Variants in ANKS6 observed in about 807,000 individuals in gnomAD.
ANKS6 encodes the protein ankyrin repeat and SAM domain-containing protein 6.
A neutral mutation model predicts 77.9 loss-of-function variants in ANKS6; 47 were observed. The ratio of observed to expected loss-of-function variants is 0.60; its 90% confidence interval spans 0.48 to 0.77. The LOEUF (loss-of-function observed/expected upper bound fraction) is 0.77, where lower values mean the gene tolerates loss of function less well. ANKS6 is among the 30% of genes least tolerant of loss of function. The probability of loss-of-function intolerance (pLI) is 0.00; values close to 1 mark genes in which losing one functional copy is unlikely to be tolerated. For missense variants in ANKS6, 1,150 were observed against 1,159.1 expected (o/e 0.99, Z 0.11); for synonymous variants, 488 against 501.7 (o/e 0.97, Z 0.37).
chr9:98,752,325 T>C (rs1272583056), intron 12 of ANKS6, among the ~76,000 whole-genome samples: 1 of 152,198 alleles, frequency 6.6e-6, no homozygotes, highest in East Asian at 1.9e-4. Context: ...AGAGCAGGTG[T>C]AAAGGTTGTG....
intron 12 of ANKS6, among the ~76,000 whole-genome samples, chr9:98,752,356 A>G (rs1176019466): frequency 6.6e-6 from 1 of 152,220 alleles, no homozygotes; most frequent in Admixed American, 6.5e-5. Flanking sequence ...TGCAGCTTAA[A>G]GAAGTGATTA....
chr9:98,796,302 C>T lies in ANKS6; in HGVS notation c.190G>A (p.Ala64Thr). 1.6e-6 allele frequency: 2 copies of T among 1,262,544 alleles called. No individual in the cohort carries two copies. Among genetic ancestry groups the T allele is most frequent in the Admixed American group, 3.7e-5 (1 of 26,750 alleles). 78.2% of individuals were successfully genotyped at this position (1,262,544 alleles called of 1,614,324 possible). A position where few individuals can be genotyped will look rare whatever the true frequency, so the allele number is the denominator to read the frequency against. The change falls in exon 1 of 15, where the codon GCA (alanine) becomes ACA (threonine). Residue 64 changes from alanine (A) to threonine (T), a missense_variant. By Grantham distance (58) the Ala-to-Thr change is moderately conservative. Transcript: ENST00000353234. ...VAGPGAAAAG[A>T]VGAPVPVDCS... Reference sequence around the variant, plus strand: ...TCCACGGGCACCGGAGCCCCGACTGCCCCCGCCGCTGCGGCCCCGGGCCCG... The same window carrying T: ...TCCACGGGCACCGGAGCCCCGACTGTCCCCGCCGCTGCGGCCCCGGGCCCG...
chr9:98,784,640 G>A (rs939561088), intron 3 of ANKS6, among the ~76,000 whole-genome samples, 192 bp downstream of exon 3: 17 of 152,166 alleles, frequency 1.1e-4, no homozygotes, highest in Admixed American at 7.9e-4. Flanking sequence ...GCTGGAGGCC[G>A]TCTGGAGTCT....
chr9:98,758,949 C>G lies in ANKS6; in HGVS notation c.2143-2346G>C, dbSNP rs570009177. 6.6e-5 allele frequency among the ~76,000 whole-genome samples: 10 copies of G among 152,298 alleles called. No individual in the cohort carries two copies. The South Asian group carries it at 2.1e-3, about 32-fold the overall frequency. On this transcript the variant is annotated intron_variant, in intron 11 of 14. Coordinates refer to ENST00000353234, the MANE Select transcript of ANKS6 (RefSeq NM_173551.5). ...TTTAGCCTAATATCCACTCAACATA[C>G]GATTTTCTCCTCCACCTCCTACAAT...
intron 11 of ANKS6, among the ~76,000 whole-genome samples, chr9:98,764,660 C>T (rs1833178140): frequency 1.3e-5 from 2 of 152,208 alleles, no homozygotes; most frequent in Admixed American, 1.3e-4. Flanking sequence ...ACTGAGGTGC[C>T]TGTCAAAGGT....
chr9:98,749,097 G>A (rs1406143371), intron 13 of ANKS6, among the ~76,000 whole-genome samples: 1 of 152,168 alleles, frequency 6.6e-6, no homozygotes, highest in East Asian at 1.9e-4. Flanking sequence ...ACTGGGTTGT[G>A]GGTCCATATA....
Position 98,796,291 on chromosome 9 carries a change from A to T in ANKS6, c.201T>A (p.Ala67=). The T allele has an allele frequency of 7.8e-7, 1 of 1,287,600 alleles. No individual in the cohort carries two copies. 79.8% of individuals were successfully genotyped at this position (1,287,600 alleles called of 1,614,324 possible). Reference sequence around the variant, plus strand: ...CGTCCGAGCAATCCACGGGCACCGGAGCCCCGACTGCCCCCGCCGCTGCGG... The same window carrying T: ...CGTCCGAGCAATCCACGGGCACCGGTGCCCCGACTGCCCCCGCCGCTGCGG... ...PGAAAAGAVG[A]PVPVDCSDEA... The change falls in exon 1 of 15, where the codon GCT becomes GCA. Residue 67 remains alanine (A), a synonymous_variant. Coordinates refer to ENST00000353234, the MANE Select transcript of ANKS6 (RefSeq NM_173551.5).
chr9:98,783,991 C>A lies in ANKS6; in HGVS notation c.1074G>T (p.Val358=). The A allele has an allele frequency of 6.2e-7, 1 of 1,606,852 alleles. No individual in the cohort carries two copies. The change falls in exon 4 of 15, where the codon GTG becomes GTT. Residue 358 remains valine (V), a synonymous_variant. Coordinates refer to ENST00000353234, the MANE Select transcript of ANKS6 (RefSeq NM_173551.5). ...CCTGCATGAGGGCCGTCCAGCCATG[C>A]ACGCTGTCCTGCTTGTCAACATCCG... ...RHADVDKQDS[V]HGWTALMQAT...
At chr9:98,768,306 A>C (rs571107071) in intron 10 of ANKS6, 56 bp from the exon 11 acceptor site, 3 of 1,584,174 alleles carry the variant, frequency 1.9e-6, no homozygotes, top group South Asian at 2.2e-5. Context: ...ACTCCAACAC[A>C]AGGGTGGTGG....
chr9:98,788,710 T>C (rs1305946185), intron 2 of ANKS6, among the ~76,000 whole-genome samples: 1 of 152,008 alleles, frequency 6.6e-6, no homozygotes, highest in African/African-American at 2.4e-5. Context: ...CTCAGAAGAG[T>C]CATGTGTTAA....
chr9:98,733,978 G>A lies in ANKS6; in HGVS notation c.*2541C>T, dbSNP rs1297788777. On this transcript the variant is annotated 3_prime_UTR_variant, in exon 15 of 15. Transcript: ENST00000353234. Reference sequence around the variant, plus strand: ...GCAGGCTGGGGACACGTGTGGGAAGGGAAGGGGGTGATCAAGGACCAAAAA... The same window carrying A: ...GCAGGCTGGGGACACGTGTGGGAAGAGAAGGGGGTGATCAAGGACCAAAAA... The A allele has an allele frequency of 1.0e-6, 1 of 985,294 alleles. No homozygotes were observed. The highest frequency in any genetic ancestry group is 1.2e-6 in the Non-Finnish European group (1 of 829,982). 61.0% of individuals were successfully genotyped at this position (985,294 alleles called of 1,614,324 possible). A position where few individuals can be genotyped will look rare whatever the true frequency, so the allele number is the denominator to read the frequency against.
chr9:98,781,205 C>T (rs1588401977), intron 5 of ANKS6, among the ~76,000 whole-genome samples: 1 of 152,126 alleles, frequency 6.6e-6, no homozygotes, highest in Non-Finnish European at 1.5e-5. Flanking sequence ...CAGGTTATTT[C>T]TTTTTTCTCT....
chr9:98,732,337 C>T lies in ANKS6; in HGVS notation c.*4182G>A, dbSNP rs1487915598. 2.0e-5 allele frequency: 16 copies of T among 808,456 alleles called. No homozygotes were observed. The highest frequency in any genetic ancestry group is 1.9e-4 in the East Asian group (7 of 37,222). The allele number at this position is 808,456 out of a possible 1,614,324, so 50.1% of individuals were successfully genotyped here. On this transcript the variant is annotated 3_prime_UTR_variant, in exon 15 of 15. Transcript: ENST00000353234. Reference sequence around the variant, plus strand: ...ACGAGTTCCCTGCCCCCTTTTTACCCGCTGGATCAGCTTCTACGACTTGGT... The same window carrying T: ...ACGAGTTCCCTGCCCCCTTTTTACCTGCTGGATCAGCTTCTACGACTTGGT...
At chr9:98,758,592 CAT>C (rs1358008043) in intron 11 of ANKS6, among the ~76,000 whole-genome samples, 1 of 152,152 alleles carries the variant, frequency 6.6e-6, no homozygotes, top group Non-Finnish European at 1.5e-5. Flanking sequence ...TGTATACACA[CAT>C]AGCCATATCT....
chr9:98,750,851 A>G lies in ANKS6; in HGVS notation c.2394+178T>C, dbSNP rs923192354. Among the ~76,000 whole-genome samples the G allele has an allele frequency of 3.3e-5, 5 of 152,356 alleles. No individual in the cohort carries two copies. The East Asian group carries it at 9.6e-4, about 29-fold the overall frequency. On this transcript the variant is annotated intron_variant, in intron 13 of 14. Transcript: ENST00000353234. The stretch of plus-strand genomic sequence containing the variant: ...ATTCTATCATAACAAAGCAAGCCAT[A>G]AGTCCCCAGGATTTCACAATAACAA...
In ANKS6 at chr9:98,734,564, G is replaced by C. The variant is rs1322781837; in HGVS notation, c.*1955C>G. The C allele has an allele frequency of 1.0e-6, 1 of 985,338 alleles. No homozygotes were observed. Among genetic ancestry groups the C allele is most frequent in the African/African-American group, 1.7e-5 (1 of 57,240 alleles). The allele number at this position is 985,338 out of a possible 1,614,324, so 61.0% of individuals were successfully genotyped here. A position where few individuals can be genotyped will look rare whatever the true frequency, so the allele number is the denominator to read the frequency against. ...AGAATCACAAGTGCTTCTAGCTCCA[G>C]GAGTCTATAGGAGTTAGTGGAAAAG... On this transcript the variant is annotated 3_prime_UTR_variant, in exon 15 of 15. Coordinates refer to ENST00000353234, the MANE Select transcript of ANKS6 (RefSeq NM_173551.5).
intron 8 of ANKS6, among the ~76,000 whole-genome samples, chr9:98,775,467 T>C (rs1343160763): frequency 6.6e-6 from 1 of 152,184 alleles, no homozygotes; most frequent in African/African-American, 2.4e-5. Flanking sequence ...TTTTATGACA[T>C]GGAAAAGATG....
chr9:98,790,428 G>A lies in ANKS6; in HGVS notation c.538C>T (p.Leu180=), dbSNP rs201725414. 1.7e-4 allele frequency: 277 copies of A among 1,613,826 alleles called. No homozygotes were observed. The highest frequency in any genetic ancestry group is 2.4e-4 in the South Asian group (22 of 91,078). ...TCATCCCTGCTGCCGCCCAACCCCA[G>A]TTGCTCGCCTGAAGGGTGGTGATGG... ...VDHHHPSGEQ[L]GLGGSRDEPL... is the part of the protein sequence containing the mutation. The change falls in exon 2 of 15, where the codon CTG becomes TTG. Residue 180 remains leucine, a synonymous_variant. Transcript: ENST00000353234.
intron 6 of ANKS6, among the ~76,000 whole-genome samples, chr9:98,779,310 G>A (rs746296388): frequency 6.6e-6 from 1 of 152,194 alleles, no homozygotes; most frequent in Non-Finnish European, 1.5e-5. Context: ...TGTTTCTGGT[G>A]TTTCCAGGAA....
Sources: gnomAD v4.1 joint callset for allele counts (sites outside exome capture counted in the v4.1 genomes callset) on GRCh38, gnomAD v4.1.1 for gene constraint, MANE v1.5 for transcripts, NCBI Gene and HGNC (gene_info 2026-07-23, HGNC 2026-07-21) for gene names.